The following PMFBP1 variants were observed in gnomAD, a reference collection of about 807,000 sequenced individuals.
PMFBP1 encodes polyamine modulated factor 1 binding protein 1, also known as polyamine-modulated factor 1-binding protein 1.
PMFBP1 carries 131 observed loss-of-function variants against 137.8 expected under a neutral mutation model. That is an observed-to-expected ratio of 0.95 (90% CI 0.82 to 1.10). The LOEUF (loss-of-function observed/expected upper bound fraction) is 1.10, where lower values mean the gene tolerates loss of function less well. Ranked by LOEUF, PMFBP1 falls within the 50% of genes least tolerant of loss-of-function variation. PMFBP1 has a pLI of 0.00. For synonymous variants in PMFBP1, 490 were observed against 450.4 expected (o/e 1.09, Z -1.11); for missense variants, 1,199 against 1,175.4 (o/e 1.02, Z -0.29).
Position 72,125,248 on chromosome 16 carries a change from C to G in PMFBP1, c.2411G>C (p.Ser804Thr), listed in dbSNP as rs1469306969. ...CTGGCAGCTCCTCACCTCCAGCTCA[C>G]TCTCCTGGTGGAAGCCCCGCAGTTT... ...LRKLRGFHQESELEVHAFDKK... is the reference protein window; with the variant it reads ...LRKLRGFHQETELEVHAFDKK... Residue 804 changes from serine (S) to threonine (T), a missense_variant, in exon 16 of 21, where the codon AGT becomes ACT. Transcript: ENST00000237353. The G allele has an allele frequency of 1.2e-6, 2 of 1,613,338 alleles. No individual in the cohort carries two copies. The highest frequency in any genetic ancestry group is 1.7e-6 in the Non-Finnish European group (2 of 1,179,758).
chr16:72,143,809 G>C (rs1000377474), intron 5 of PMFBP1, among the ~76,000 whole-genome samples: 1 of 152,084 alleles, frequency 6.6e-6, no homozygotes, highest in African/African-American at 2.4e-5. Context: ...GGGAGGCCAA[G>C]GTAGGCAGAT....
chr16:72,146,184 G>A (rs2042803603), intron 5 of PMFBP1, among the ~76,000 whole-genome samples: 1 of 152,184 alleles, frequency 6.6e-6, no homozygotes, highest in Admixed American at 6.5e-5. Flanking sequence ...CCATGATCAA[G>A]TCGGCTTCAT....
Position 72,126,126 on chromosome 16 carries a change from G to GGGCT in PMFBP1, c.2091_2094dup (p.Leu699SerfsTer35). On this transcript the variant is annotated frameshift_variant, in exon 15 of 21. Coordinates refer to ENST00000237353, the MANE Select transcript of PMFBP1 (RefSeq NM_031293.3). LOFTEE classifies it high-confidence loss of function. ...AGGCTCATTAAGGACTCCTTCTGAA[G>GGGCT]GGCTATCTTTAAGGAGGGAGAGCAG... The GGGCT allele has an allele frequency of 6.2e-7, 1 of 1,613,974 alleles. No homozygotes were observed. The highest frequency in any genetic ancestry group is 1.1e-5 in the South Asian group (1 of 91,070).
At chr16:72,123,075 C>A in intron 18 of PMFBP1, 87 bp from the exon 19 acceptor site, 2 of 1,184,062 alleles carry the variant, frequency 1.7e-6, no homozygotes, top group Non-Finnish European at 2.4e-6. Flanking sequence ...ATGCTGGGTT[C>A]TCAGCAAGAC....
the PMFBP1 span, among the ~76,000 whole-genome samples, chr16:72,239,991 G>A: frequency 1.3e-5 from 2 of 150,956 alleles, no homozygotes; most frequent in Admixed American, 1.3e-4. Flanking sequence ...AGATATACTC[G>A]AGGGTTTAGG....
rs1350181218 is a variant in PMFBP1, at chr16:72,136,388, G to A, written c.1203+60C>T. On this transcript the variant is annotated intron_variant, in intron 9 of 20. Coordinates refer to ENST00000237353, the MANE Select transcript of PMFBP1 (RefSeq NM_031293.3). ...GTGGGTGAAGGCAGAACCGGTTAAT[G>A]CCAGGACATGGCCTCACACCTGCCC... 3.2e-6 allele frequency: 5 copies of A among 1,567,600 alleles called. No homozygotes were observed. In the East Asian group the frequency reaches 9.0e-5, roughly 28 times the overall value.
In PMFBP1 at chr16:72,130,688, T is replaced by C. The variant is rs1457098826; in HGVS notation, c.1482A>G (p.Ala494=). The change falls in exon 11 of 21, where the codon GCA becomes GCG. Residue 494 remains alanine, a synonymous_variant. Coordinates refer to ENST00000237353, the MANE Select transcript of PMFBP1 (RefSeq NM_031293.3). ...TGTCCTCCAGGTGACAGCCTGCCAG[T>C]GCAGCCTCTTCTTTGCACTGGGCTG... ...QQAAQCKEEA[A]LAGCHLEDTQ... is the part of the protein sequence containing the mutation. The C allele has an allele frequency of 6.2e-7, 1 of 1,613,414 alleles. No individual in the cohort carries two copies. The highest frequency in any genetic ancestry group is 1.3e-5 in the African/African-American group (1 of 74,888).
intron 3 of PMFBP1, among the ~76,000 whole-genome samples, chr16:72,160,205 C>T (rs2043040924): frequency 6.6e-6 from 1 of 152,226 alleles, no homozygotes; most frequent in Non-Finnish European, 1.5e-5. Flanking sequence ...CGTTGGTTTC[C>T]ACCCAATACT....
chr16:72,139,001 G>A (rs1179262920), intron 7 of PMFBP1, among the ~76,000 whole-genome samples: 4 of 152,006 alleles, frequency 2.6e-5, no homozygotes, highest in African/African-American at 9.7e-5. Flanking sequence ...ACACGAGGAG[G>A]CTAGATGGTC....
chr16:72,199,569 G>A, the PMFBP1 span, among the ~76,000 whole-genome samples: 6 of 149,696 alleles, frequency 4.0e-5, no homozygotes, highest in Non-Finnish European at 1.5e-5. Context: ...CAGGAGAATC[G>A]CTTGAACCTG....
intron 2 of PMFBP1, among the ~76,000 whole-genome samples, chr16:72,167,321 A>C (rs2043160200): frequency 1.3e-5 from 2 of 152,124 alleles, no homozygotes; most frequent in South Asian, 4.2e-4. Context: ...TTACAGTTTA[A>C]TTAGGTTAAC....
the PMFBP1 span, among the ~76,000 whole-genome samples, chr16:72,192,008 T>C: frequency 3.3e-5 from 5 of 152,254 alleles, no homozygotes; most frequent in Non-Finnish European, 7.3e-5. Flanking sequence ...AATGCGTGTG[T>C]GTGATCCCCT....
At chr16:72,209,588 T>C in the PMFBP1 span, among the ~76,000 whole-genome samples, 2 of 152,164 alleles carry the variant, frequency 1.3e-5, no homozygotes, top group Non-Finnish European at 2.9e-5. Context: ...ATTCAATATA[T>C]GGAGACATCT....
rs779362383 is a variant in PMFBP1, at chr16:72,136,437, C to T, written c.1203+11G>A. On this transcript the variant is annotated intron_variant, in intron 9 of 20. Coordinates refer to ENST00000237353, the MANE Select transcript of PMFBP1 (RefSeq NM_031293.3). ...CCCATTGGGAACCCCAACCAGAGTTCCTCACTTTACCTTGTCTTTCTTCAA... is the reference window on the plus strand; with the variant it reads ...CCCATTGGGAACCCCAACCAGAGTTTCTCACTTTACCTTGTCTTTCTTCAA... The T allele has an allele frequency of 6.2e-7, 1 of 1,611,592 alleles. No homozygotes were observed.
chr16:72,196,229 A>T, the PMFBP1 span, among the ~76,000 whole-genome samples: 11 of 152,204 alleles, frequency 7.2e-5, no homozygotes, highest in South Asian at 1.2e-3. Flanking sequence ...AAAGATCAAT[A>T]CGAATGGTAC....
chr16:72,187,516 C>T, the PMFBP1 span, among the ~76,000 whole-genome samples: 2 of 152,146 alleles, frequency 1.3e-5, no homozygotes, highest in African/African-American at 4.8e-5. Flanking sequence ...GATGGTAGGG[C>T]TGATTTTGGA....
chr16:72,178,611 G>A (rs2144545502), upstream of PMFBP1, among the ~76,000 whole-genome samples: 1 of 152,144 alleles, frequency 6.6e-6, no homozygotes, highest in African/African-American at 2.4e-5. Flanking sequence ...CTATTATATG[G>A]GCTATAATCT....
chr16:72,144,229 A>G (rs1225767908), intron 5 of PMFBP1, among the ~76,000 whole-genome samples: 1 of 152,202 alleles, frequency 6.6e-6, no homozygotes, highest in Non-Finnish European at 1.5e-5. Flanking sequence ...TCCACAGGGC[A>G]TGCTAATTTC....
the PMFBP1 span, among the ~76,000 whole-genome samples, chr16:72,228,197 T>A: frequency 6.6e-6 from 1 of 152,120 alleles, no homozygotes; most frequent in African/African-American, 2.4e-5. Context: ...CCACCGTCGT[T>A]GACATAGGCC....
Sources: gnomAD v4.1 joint callset for allele counts (sites outside exome capture counted in the v4.1 genomes callset) on GRCh38, gnomAD v4.1.1 for gene constraint, MANE v1.5 for transcripts, NCBI Gene and HGNC (gene_info 2026-07-23, HGNC 2026-07-21) for gene names.